ARHGAP31: variants seen among roughly 807,000 people sequenced by gnomAD.
ARHGAP31 encodes Rho GTPase activating protein 31.
In ARHGAP31, 34 loss-of-function variants were observed where a neutral mutation model predicts 113.9. The ratio of observed to expected loss-of-function variants is 0.30; its 90% CI spans 0.23 to 0.40. The LOEUF (loss-of-function observed/expected upper bound fraction) is 0.40, where lower values mean the gene tolerates loss of function less well. Among genes scored for constraint, ARHGAP31 ranks in the 10% least tolerant of loss-of-function variants. The pLI, the probability that ARHGAP31 is intolerant of heterozygous loss-of-function variation, is 1.00. For synonymous variants in ARHGAP31, 650 were observed against 684.8 expected, an observed-to-expected ratio of 0.95 and a Z score of 0.79; for missense variants, 1,548 against 1,767.1, an observed-to-expected ratio of 0.88 and a Z score of 2.22.
Position 119,382,055 on chromosome 3 carries a change from T to G in ARHGAP31, c.432-237T>G, listed in dbSNP as rs115561893. On this transcript the variant is annotated intron_variant, in intron 4 of 11. Coordinates refer to ENST00000264245, the MANE Select transcript of ARHGAP31 (RefSeq NM_020754.4). ...GTGATTCTCTAGTTCTGTCTCTGAC[T>G]GGTGCTCCAGGGTCCTCTGCTTACA... Among the ~76,000 whole-genome samples the G allele has an allele frequency of 0.018, 2,771 of 150,772 alleles. 81 individuals are homozygous for G. Among genetic ancestry groups the G allele is most frequent in the African/African-American group, 0.064 (2,613 of 41,034 alleles).
At chr3:119,344,659 T>C (rs1358647254) in intron 1 of ARHGAP31, among the ~76,000 whole-genome samples, 2 of 152,184 alleles carry the variant, frequency 1.3e-5, no homozygotes, top group African/African-American at 4.8e-5. Context: ...TTTGTTTGTT[T>C]TGTTCTGTTG....
At chr3:119,345,549 T>C (rs987701085) in intron 1 of ARHGAP31, among the ~76,000 whole-genome samples, 19 of 152,128 alleles carry the variant, frequency 1.2e-4, no homozygotes, top group Admixed American at 5.9e-4. Context: ...CTTCCTCCCA[T>C]TGGATGCTAA....
intron 1 of ARHGAP31, among the ~76,000 whole-genome samples, chr3:119,359,039 A>C (rs538329490): frequency 6.7e-6 from 1 of 150,184 alleles, no homozygotes; most frequent in Non-Finnish European, 1.5e-5. Context: ...TTTGAGACAG[A>C]GTCTCACTCA....
At chr3:119,366,602 C>A (rs1319896341) in intron 2 of ARHGAP31, among the ~76,000 whole-genome samples, 1 of 152,124 alleles carries the variant, frequency 6.6e-6, no homozygotes, top group Non-Finnish European at 1.5e-5. Context: ...ACAGTACCTA[C>A]CACACAGTAG....
chr3:119,332,567 G>C (rs1002868293), intron 1 of ARHGAP31, among the ~76,000 whole-genome samples: 12 of 150,460 alleles, frequency 8.0e-5, no homozygotes, highest in African/African-American at 2.9e-4. Flanking sequence ...AGTCTCTCTG[G>C]AGCAGAGTGC....
At chr3:119,297,555 C>T (rs543345767) in intron 1 of ARHGAP31, among the ~76,000 whole-genome samples, 1 of 152,280 alleles carries the variant, frequency 6.6e-6, no homozygotes, top group East Asian at 1.9e-4. Context: ...GGGGAGAAGA[C>T]CAAAGATTTA....
intron 3 of ARHGAP31, among the ~76,000 whole-genome samples, chr3:119,372,480 G>A (rs752241428): frequency 1.3e-5 from 2 of 151,920 alleles, no homozygotes; most frequent in East Asian, 3.9e-4. Context: ...ACGGGGTTTC[G>A]CCATGTTGGC....
intron 10 of ARHGAP31, among the ~76,000 whole-genome samples, chr3:119,404,239 A>G (rs932939997): frequency 3.9e-5 from 6 of 152,186 alleles, no homozygotes; most frequent in Non-Finnish European, 8.8e-5. Context: ...TCTGGGCCCC[A>G]TGGGGTCTTT....
intron 1 of ARHGAP31, among the ~76,000 whole-genome samples, chr3:119,316,902 G>A (rs2107600116): frequency 6.6e-6 from 1 of 152,282 alleles, no homozygotes; most frequent in South Asian, 2.1e-4. Context: ...CTTCTTTTGT[G>A]CCGCAGGTCA....
At chr3:119,301,090 T>A (rs1464758697) in intron 1 of ARHGAP31, among the ~76,000 whole-genome samples, 1 of 152,236 alleles carries the variant, frequency 6.6e-6, no homozygotes, top group Non-Finnish European at 1.5e-5. Flanking sequence ...TGTAACTTAC[T>A]CTGTGTAGTC....
intron 1 of ARHGAP31, among the ~76,000 whole-genome samples, chr3:119,309,265 A>G (rs1400988590): frequency 6.6e-6 from 1 of 152,202 alleles, no homozygotes; most frequent in Non-Finnish European, 1.5e-5. Context: ...TCATTCTACT[A>G]ATGAGTCTCT....
Position 119,409,718 on chromosome 3 carries a change from C to A in ARHGAP31, c.1868C>A (p.Ser623Tyr). The change falls in exon 11 of 12, where the codon TCC becomes TAC. Residue 623 changes from serine to tyrosine, a missense_variant. By Grantham distance (144) the Ser-to-Tyr change is moderately radical. Coordinates refer to ENST00000264245, the MANE Select transcript of ARHGAP31 (RefSeq NM_020754.4). ...GGACGAGAGGCTGGTGAGATGGAGT[C>A]CAGCACCCTGCAGGAGAGCCCCAGG... Reference protein sequence around the residue: ...EEGREAGEMESSTLQESPRAR... With the variant: ...EEGREAGEMEYSTLQESPRAR... 6.2e-7 allele frequency: 1 copy of A among 1,609,602 alleles called. No homozygotes were observed. The highest frequency in any genetic ancestry group is 8.5e-7 in the Non-Finnish European group (1 of 1,178,260).
intron 1 of ARHGAP31, among the ~76,000 whole-genome samples, chr3:119,322,074 C>T (rs2079792750): frequency 6.6e-6 from 1 of 152,078 alleles, no homozygotes; most frequent in Admixed American, 6.5e-5. Flanking sequence ...GCATATGGCT[C>T]TTTTGTTATG....
At chr3:119,308,672 T>TGG (rs2079652021) in intron 1 of ARHGAP31, among the ~76,000 whole-genome samples, 1 of 152,236 alleles carries the variant, frequency 6.6e-6, no homozygotes, top group Non-Finnish European at 1.5e-5. Flanking sequence ...AGCCTCTTTG[T>TGG]ATAGAAGGTA....
At chr3:119,333,269 C>T (rs2079912818) in intron 1 of ARHGAP31, among the ~76,000 whole-genome samples, 1 of 152,140 alleles carries the variant, frequency 6.6e-6, no homozygotes, top group Non-Finnish European at 1.5e-5. Flanking sequence ...CCACTATGAA[C>T]CTATTATCTG....
At position 119,417,673 on chromosome 3, in the gene ARHGAP31, C is replaced by T. The variant is rs1195881640; in HGVS notation, c.*1409C>T. On this transcript the variant is annotated 3_prime_UTR_variant, in exon 12 of 12. Coordinates refer to ENST00000264245, the MANE Select transcript of ARHGAP31 (RefSeq NM_020754.4). ...GCACTCACTCAAACTTGCTCTTCAA[C>T]TCTGTATACAAGCAGAAGCAATAAA... 6.6e-6 allele frequency: 1 copy of T among 152,030 alleles called. No individual in the cohort carries two copies. Among genetic ancestry groups the T allele is most frequent in the African/African-American group, 2.4e-5 (1 of 41,380 alleles). 9.4% of individuals were successfully genotyped at this position (152,030 alleles called of 1,614,324 possible). A position where few individuals can be genotyped will look rare whatever the true frequency, so the allele number is the denominator to read the frequency against.
intron 3 of ARHGAP31, among the ~76,000 whole-genome samples, chr3:119,369,543 A>C (rs544900734): frequency 6.6e-6 from 1 of 152,302 alleles, no homozygotes; most frequent in African/African-American, 2.4e-5. Context: ...TCCTGTAATA[A>C]ATTTGTTTTG....
intron 1 of ARHGAP31, among the ~76,000 whole-genome samples, chr3:119,308,746 G>A (rs1447004089): frequency 3.3e-5 from 5 of 152,180 alleles, no homozygotes; most frequent in Non-Finnish European, 5.9e-5. Context: ...ACTGCTTACC[G>A]CCCTCCAGAA....
At chr3:119,327,270 C>T (rs941105300) in intron 1 of ARHGAP31, among the ~76,000 whole-genome samples, 1 of 152,144 alleles carries the variant, frequency 6.6e-6, no homozygotes, top group Non-Finnish European at 1.5e-5. Context: ...CAGCCGGGCA[C>T]AGTGGCTCAC....
Sources: gnomAD v4.1 joint callset for allele counts (sites outside exome capture counted in the v4.1 genomes callset) on GRCh38, gnomAD v4.1.1 for gene constraint, MANE v1.5 for transcripts, NCBI Gene and HGNC (gene_info 2026-07-23, HGNC 2026-07-21) for gene names.